The following SMG1 variants were observed in gnomAD, a reference collection of about 807,000 sequenced individuals.
SMG1 encodes the protein serine/threonine-protein kinase SMG1.
In SMG1, 22 loss-of-function variants were observed where a neutral mutation model predicts 419.9. The observed-to-expected ratio is 0.05, with a 90% confidence interval of 0.04 to 0.07. The LOEUF is 0.07. SMG1 is among the 10% of genes least tolerant of loss of function. The pLI is 1.00. For missense variants in SMG1, 3,185 were observed against 4,342.0 expected (o/e 0.73, Z 7.49); for synonymous variants, 1,538 against 1,553.5 (o/e 0.99, Z 0.23).
chr16:18,915,461 T>C (rs981510545), intron 1 of SMG1, among the ~76,000 whole-genome samples: 5 of 152,114 alleles, frequency 3.3e-5, no homozygotes, highest in African/African-American at 7.2e-5. Context: ...ACACTAACTA[T>C]AAAAACACAA....
intron 41 of SMG1, among the ~76,000 whole-genome samples, chr16:18,840,313 G>A (rs187887744): frequency 1.1e-4 from 16 of 152,078 alleles, no homozygotes; most frequent in Admixed American, 7.9e-4. Context: ...CAACTTAATC[G>A]TTAATATAAA....
rs766421966 is a variant in SMG1 at position 18,839,903 on chromosome 16, G to T, written c.6740C>A (p.Pro2247His). ...YQTPQNPGIVPRPSELYYSKI... is the reference protein window; with the variant it reads ...YQTPQNPGIVHRPSELYYSKI... ...ACTGTAATAAAGTTCACTAGGACGG[G>T]GTACAATTCCAGGATTCTGAGGAGT... Residue 2247 changes from proline to histidine, a missense_variant, in exon 42 of 63, where the codon CCC becomes CAC. Around this residue, in one of 27 missense-constraint regions of SMG1, gnomAD observed 132 missense variants for 151.0 expected, o/e 0.87. Transcript: ENST00000446231. 2 of 1,606,732 alleles carry T rather than the reference G, an allele frequency of 1.2e-6. No homozygotes were observed. Among genetic ancestry groups the T allele is most frequent in the East Asian group, 2.2e-5 (1 of 44,698 alleles).
At chr16:18,811,320 A>C (rs548564909) in intron 62 of SMG1, among the ~76,000 whole-genome samples, 1 of 152,332 alleles carries the variant, frequency 6.6e-6, no homozygotes, top group East Asian at 1.9e-4. Context: ...ACTGGGATCC[A>C]TCACCAGGTC....
chr16:18,858,467 A>G, intron 28 of SMG1, 177 bp from the exon 29 acceptor site: 1 of 401,030 alleles, frequency 2.5e-6, no homozygotes, highest in East Asian at 4.1e-5. Context: ...ACAAGAGGCA[A>G]GCACACAGTA....
rs1437248570 is a variant in SMG1 at position 18,876,233 on chromosome 16, T to A, written c.1781A>T (p.His594Leu). The A allele has an allele frequency of 2.4e-5, 39 of 1,611,676 alleles. No individual in the cohort carries two copies. The highest frequency in any genetic ancestry group is 3.1e-5 in the Non-Finnish European group (37 of 1,179,696). The change falls in exon 13 of 63, where the codon CAT becomes CTT. Residue 594 changes from histidine (H) to leucine (L), a missense_variant. His to Leu is a moderately conservative substitution (Grantham distance 99). Coordinates refer to ENST00000446231, the MANE Select transcript of SMG1 (RefSeq NM_015092.5). ...QLPEACSEIK[H>L]EAFKNHVFNV... ...GAACACATGATTCTTAAAAGCCTCATGTTTTATTTCAGAACAGGCCTCAGG... is the reference window on the plus strand; with the variant it reads ...GAACACATGATTCTTAAAAGCCTCAAGTTTTATTTCAGAACAGGCCTCAGG...
intron 40 of SMG1, 83 bp from the exon 41 acceptor site, chr16:18,841,877 G>T: frequency 2.5e-6 from 3 of 1,194,808 alleles, no homozygotes; most frequent in Non-Finnish European, 1.2e-6. Context: ...AACTAGCAGT[G>T]GCAGTCAAAA....
At chr16:18,872,400 G>C (rs2035869900) in intron 14 of SMG1, 55 bp from the exon 15 acceptor site, 1 of 1,494,868 alleles carries the variant, frequency 6.7e-7, no homozygotes, top group African/African-American at 1.4e-5. Context: ...AAGCAAGCAA[G>C]TCCAAAGTTA....
chr16:18,895,161 A>G (rs1167689262), intron 3 of SMG1, among the ~76,000 whole-genome samples: 1 of 152,204 alleles, frequency 6.6e-6, no homozygotes, highest in East Asian at 1.9e-4. Flanking sequence ...GTGAGGCTAC[A>G]TCATAAGGCA....
intron 26 of SMG1, among the ~76,000 whole-genome samples, chr16:18,859,969 A>G (rs1303211753): frequency 1.3e-5 from 2 of 152,230 alleles, no homozygotes; most frequent in South Asian, 2.1e-4. Context: ...CTGTAATCCC[A>G]GCACTTTGGG....
At chr16:18,852,572 T>C (rs2034661557) in intron 31 of SMG1, 110 bp from the exon 32 acceptor site, 1 of 938,246 alleles carries the variant, frequency 1.1e-6, no homozygotes, top group East Asian at 2.9e-5. Context: ...CTGCAAGCAA[T>C]CAAAAGTTCC....
In SMG1 at chr16:18,835,973, A is replaced by G; in HGVS notation, c.8017T>C (p.Cys2673Arg). 6.4e-7 allele frequency: 1 copy of G among 1,553,854 alleles called. No homozygotes were observed. The highest frequency in any genetic ancestry group is 8.7e-7 in the Non-Finnish European group (1 of 1,147,874). Residue 2673 changes from cysteine (C) to arginine (R), a missense_variant, in exon 48 of 63, where the codon TGT (cysteine) becomes CGT (arginine). Transcript: ENST00000446231. Reference protein sequence around the residue: ...QWKTWMEELICNTTVERCQEL... With the variant: ...QWKTWMEELIRNTTVERCQEL... ...TGACAACGCTCTACTGTGGTGTTAC[A>G]GATGAGCTCTTCCATCCAGGTCTTC...
chr16:18,867,729 G>C (rs1478399246), intron 22 of SMG1, among the ~76,000 whole-genome samples: 1 of 120,224 alleles, frequency 8.3e-6, no homozygotes, highest in Non-Finnish European at 1.7e-5. Context: ...TTTTTTCTGA[G>C]GCGGAGTCTT....
rs570595511 is a variant in SMG1 at position 18,818,351 on chromosome 16, C to T, written c.9895-881G>A. ...AGTGAGCCAAGATCACGCCACTGCA[C>T]TACAGCCTGGGCAACAAGAGCAAAA... On this transcript the variant is annotated intron_variant, in intron 56 of 62. Transcript: ENST00000446231. Among the ~76,000 whole-genome samples the T allele has an allele frequency of 2.6e-5, 4 of 152,048 alleles. 1 individual carries two copies. The South Asian group carries it at 8.3e-4, about 32-fold the overall frequency.
intron 6 of SMG1, among the ~76,000 whole-genome samples, chr16:18,887,199 A>G (rs975269491): frequency 2.6e-5 from 4 of 152,196 alleles, no homozygotes; most frequent in African/African-American, 7.2e-5. Flanking sequence ...CTATCTTTCT[A>G]TGAATGTGAG....
At chr16:18,881,856 A>C (rs894758600) in intron 10 of SMG1, among the ~76,000 whole-genome samples, 3 of 152,096 alleles carry the variant, frequency 2.0e-5, no homozygotes, top group African/African-American at 7.2e-5. Context: ...CTAAAAGGAA[A>C]CCCAATAATT....
At position 18,832,978 on chromosome 16, in the gene SMG1, C is replaced by T; in HGVS notation, c.8754G>A (p.Leu2918=). Residue 2918 remains leucine, a synonymous_variant, in exon 51 of 63, where the codon CTG becomes CTA. Transcript: ENST00000446231. ...QAYLRNAAMG[L]EEETHAHYID... is the part of the protein sequence containing the mutation. Reference sequence around the variant, plus strand: ...TGTAATGAGCATGTGTTTCTTCTTCCAGTCCCATAGCTGCGTTTCTTAAGT... The same window carrying T: ...TGTAATGAGCATGTGTTTCTTCTTCTAGTCCCATAGCTGCGTTTCTTAAGT... 1.2e-6 allele frequency: 2 copies of T among 1,613,972 alleles called. No individual in the cohort carries two copies. The highest frequency in any genetic ancestry group is 1.7e-6 in the Non-Finnish European group (2 of 1,179,896).
At chr16:18,918,073 C>A (rs2038046826) in intron 1 of SMG1, among the ~76,000 whole-genome samples, 1 of 151,404 alleles carries the variant, frequency 6.6e-6, no homozygotes, top group African/African-American at 2.4e-5. Context: ...CAAGCCTGAC[C>A]AACATGGTGA....
At position 18,845,562 on chromosome 16, in the gene SMG1, G is replaced by A. The variant is rs745639884; in HGVS notation, c.6086C>T (p.Ala2029Val). 5.6e-6 allele frequency: 9 copies of A among 1,613,770 alleles called. No individual in the cohort carries two copies. The highest frequency in any genetic ancestry group is 2.2e-5 in the East Asian group (1 of 44,886). Residue 2029 changes from alanine to valine, a missense_variant, in exon 39 of 63, where the codon GCG becomes GTG. This residue lies in a region of SMG1 where 159 missense variants were observed against 196.0 expected (regional missense o/e 0.81). Transcript: ENST00000446231. ...FALEHVRSIT[A>V]APAETPHEKW... Reference sequence around the variant, plus strand: ...TTCATGAGGTGTTTCTGCAGGAGCCGCTGTGATACTCCTCACATGCTCCAA... The same window carrying A: ...TTCATGAGGTGTTTCTGCAGGAGCCACTGTGATACTCCTCACATGCTCCAA...
chr16:18,901,435 A>G (rs945112587), intron 1 of SMG1, among the ~76,000 whole-genome samples: 2 of 152,052 alleles, frequency 1.3e-5, no homozygotes, highest in African/African-American at 4.8e-5. Context: ...GCTGCTCTCA[A>G]TTTCCTGGAC....
Sources: allele counts gnomAD v4.1 joint callset (sites outside exome capture counted in the v4.1 genomes callset), GRCh38; gene constraint gnomAD v4.1.1; regional missense constraint gnomAD v4.1.1; transcripts MANE v1.5; gene names NCBI Gene and HGNC (gene_info 2026-07-23, HGNC 2026-07-21).